The following AUH variants were observed in gnomAD, a reference collection of about 807,000 sequenced individuals.
AUH encodes methylglutaconyl-CoA hydratase, mitochondrial.
Under a neutral mutation model 42.3 loss-of-function variants are expected in AUH, and 29 were observed. That is an observed-to-expected ratio of 0.69 (90% CI 0.51 to 0.93). The LOEUF (loss-of-function observed/expected upper bound fraction) is 0.93, where lower values mean the gene tolerates loss of function less well. Among genes scored for constraint, AUH ranks in the 40% least tolerant of loss-of-function variants. The pLI, the probability that AUH is intolerant of heterozygous loss-of-function variation, is 0.00. For missense variants in AUH, 452 were observed against 438.1 expected (o/e 1.03, Z -0.28); for synonymous variants, 174 against 166.4 (o/e 1.05, Z -0.35).
chr9:91,219,737 G>A (rs938287437), intron 7 of AUH, among the ~76,000 whole-genome samples: 3 of 152,234 alleles, frequency 2.0e-5, no homozygotes, highest in Non-Finnish European at 4.4e-5. Context: ...TTCAGCAGGT[G>A]CATACCAGCA....
At chr9:91,323,621 CAAA>C (rs34091687) in intron 4 of AUH, among the ~76,000 whole-genome samples, 2 of 67,906 alleles carry the variant, frequency 2.9e-5, no homozygotes. Context: ...GACTCCGGCT[CAAA>C]AAAAAAAAAA....
intron 6 of AUH, among the ~76,000 whole-genome samples, chr9:91,274,118 C>A (rs1368181758): frequency 6.6e-6 from 1 of 152,066 alleles, no homozygotes; most frequent in Non-Finnish European, 1.5e-5. Context: ...AAACAGAATA[C>A]AAACGTGCAA....
intron 4 of AUH, among the ~76,000 whole-genome samples, chr9:91,314,641 G>A (rs1212196522): frequency 6.6e-6 from 1 of 151,432 alleles, no homozygotes; most frequent in Non-Finnish European, 1.5e-5. Flanking sequence ...TGGCCAAGGG[G>A]ACCACAGAGA....
intron 3 of AUH, among the ~76,000 whole-genome samples, chr9:91,348,495 T>G (rs1021863502): frequency 3.9e-5 from 6 of 152,124 alleles, no homozygotes; most frequent in African/African-American, 1.4e-4. Context: ...AAAACCCAAA[T>G]GACCATCACC....
intron 3 of AUH, among the ~76,000 whole-genome samples, chr9:91,333,621 A>G (rs1009118346): frequency 6.6e-6 from 1 of 152,216 alleles, no homozygotes; most frequent in Non-Finnish European, 1.5e-5. Context: ...TGCTAGAGTG[A>G]GGCAGGATTT....
chr9:91,237,497 G>A (rs762018481), intron 6 of AUH, among the ~76,000 whole-genome samples: 7 of 152,094 alleles, frequency 4.6e-5, no homozygotes, highest in Non-Finnish European at 8.8e-5. Flanking sequence ...GTTTATAAGC[G>A]GTTGACTCTT....
At chr9:91,358,639 CAGTA>C (rs1362478569) in intron 1 of AUH, among the ~76,000 whole-genome samples, 4 of 152,290 alleles carry the variant, frequency 2.6e-5, no homozygotes, top group South Asian at 2.1e-4. Flanking sequence ...ACCTCTCATG[CAGTA>C]AGTATTAAAA....
chr9:91,220,925 T>C lies in AUH; in HGVS notation c.723A>G (p.Arg241=). 6.2e-7 allele frequency: 1 copy of C among 1,614,246 alleles called. No individual in the cohort carries two copies. Among genetic ancestry groups the C allele is most frequent in the Admixed American group, 1.7e-5 (1 of 60,026 alleles). ...SLAKELIFSA[R]VLDGKEAKAV... ...CTTTGGCTTCTTTGCCATCGAGGAC[T>C]CGCGCAGAGAATATGAGCTCCTTGG... is the stretch of plus-strand genomic sequence containing the variant. Residue 241 remains arginine, a synonymous_variant, in exon 7 of 10, where the codon CGA becomes CGG. Transcript: ENST00000375731.
At chr9:91,358,373 T>TA (rs1284309422) in intron 1 of AUH, among the ~76,000 whole-genome samples, 3 of 152,182 alleles carry the variant, frequency 2.0e-5, no homozygotes, top group Non-Finnish European at 4.4e-5. Context: ...ATGCAGGCTC[T>TA]AAGGTGTGAT....
intron 6 of AUH, among the ~76,000 whole-genome samples, chr9:91,229,957 T>C (rs1461236359): frequency 6.6e-6 from 1 of 152,118 alleles, no homozygotes; most frequent in Admixed American, 6.6e-5. Flanking sequence ...CCTTTGAGGG[T>C]AACCCGACCT....
intron 6 of AUH, among the ~76,000 whole-genome samples, chr9:91,238,426 T>C (rs1006417786): frequency 5.9e-5 from 9 of 152,174 alleles, no homozygotes; most frequent in African/African-American, 1.9e-4. Context: ...TGGCCATGTG[T>C]AGCTGGAGGA....
chr9:91,243,171 G>T (rs999825748), intron 6 of AUH, among the ~76,000 whole-genome samples: 4 of 152,180 alleles, frequency 2.6e-5, no homozygotes, highest in Non-Finnish European at 5.9e-5. Context: ...ATCAGTGGTG[G>T]ATTAGCTATG....
chr9:91,226,169 A>G (rs1258772020), intron 6 of AUH, among the ~76,000 whole-genome samples: 4 of 151,126 alleles, frequency 2.6e-5, no homozygotes, highest in African/African-American at 7.3e-5. Flanking sequence ...TCCCACCAAC[A>G]GTGTAAAAGT....
chr9:91,220,945 C>T lies in AUH; in HGVS notation c.703G>A (p.Glu235Lys), dbSNP rs1294255949. 2 of 1,614,204 alleles carry T rather than the reference C, an allele frequency of 1.2e-6. No homozygotes were observed. The highest frequency in any genetic ancestry group is 8.5e-7 in the Non-Finnish European group (1 of 1,180,038). ...AGGACTCGCGCAGAGAATATGAGCT[C>T]CTTGGCCAGGGACATTCCAATGGCG... ...PRAIGMSLAK[E>K]LIFSARVLDG... Residue 235 changes from glutamate (E) to lysine (K), a missense_variant, in exon 7 of 10, where the codon GAG (glutamate) becomes AAG (lysine). Physicochemically the swap from Glu to Lys is moderately conservative, Grantham distance 56. Transcript: ENST00000375731.
chr9:91,304,562 T>C (rs993352289), intron 4 of AUH, among the ~76,000 whole-genome samples: 3 of 152,186 alleles, frequency 2.0e-5, no homozygotes, highest in Admixed American at 6.5e-5. Flanking sequence ...AACAGCACCT[T>C]GTACCTAAAG....
At chr9:91,308,133 G>A (rs565673609) in intron 4 of AUH, among the ~76,000 whole-genome samples, 1 of 152,092 alleles carries the variant, frequency 6.6e-6, no homozygotes, top group African/African-American at 2.4e-5. Context: ...AAAATCAGAA[G>A]ACAAAGAAAA....
intron 6 of AUH, among the ~76,000 whole-genome samples, chr9:91,294,366 G>A (rs899799712): frequency 1.3e-5 from 2 of 152,190 alleles, no homozygotes; most frequent in Non-Finnish European, 2.9e-5. Context: ...TGGCCAACAT[G>A]GTGAAACTCC....
At chr9:91,221,034 TGTTA>T (rs1827106880) in intron 6 of AUH, 42 bp from the exon 7 acceptor site, 1 of 1,601,710 alleles carries the variant, frequency 6.2e-7, no homozygotes, top group Non-Finnish European at 8.5e-7. Context: ...ATTTGACACC[TGTTA>T]GTTTTAACAC....
intron 6 of AUH, among the ~76,000 whole-genome samples, chr9:91,224,707 T>C (rs1255916996): frequency 6.6e-6 from 1 of 152,202 alleles, no homozygotes; most frequent in Non-Finnish European, 1.5e-5. Context: ...TTTCATTCAC[T>C]CATTCCCACT....
Sources: gnomAD v4.1 joint callset for allele counts (sites outside exome capture counted in the v4.1 genomes callset) on GRCh38, gnomAD v4.1.1 for gene constraint, MANE v1.5 for transcripts, NCBI Gene and HGNC (gene_info 2026-07-23, HGNC 2026-07-21) for gene names.